Variants in KAZN observed in about 807,000 individuals in gnomAD.
KAZN encodes kazrin, periplakin interacting protein.
In KAZN, 40 loss-of-function variants were observed where a neutral mutation model predicts 87.4. That is an observed-to-expected ratio of 0.46 (90% CI 0.36 to 0.60). KAZN has a LOEUF of 0.60. Ranked by LOEUF, KAZN falls within the 20% of genes least tolerant of loss-of-function variation. The probability of loss-of-function intolerance (pLI) is 0.00; values close to 1 mark genes in which losing one functional copy is unlikely to be tolerated. For synonymous variants in KAZN, 466 were observed against 458.3 expected (o/e 1.02, Z -0.22); for missense variants, 898 against 1,073.9 (o/e 0.84, Z 2.29).
intron 1 of KAZN, among the ~76,000 whole-genome samples, chr1:14,717,545 C>G (rs1434439357): frequency 6.6e-6 from 1 of 152,148 alleles, no homozygotes; most frequent in Non-Finnish European, 1.5e-5. Flanking sequence ...TGTCCTTTTT[C>G]CTGTCTCATA....
intron 2 of KAZN, among the ~76,000 whole-genome samples, chr1:14,269,229 G>A (rs1467031657): frequency 1.3e-5 from 2 of 152,070 alleles, no homozygotes; most frequent in African/African-American, 2.4e-5. Context: ...TATATAAACA[G>A]ATACACAATG....
intron 2 of KAZN, among the ~76,000 whole-genome samples, chr1:14,301,385 A>G (rs1430983870): frequency 1.3e-5 from 2 of 152,168 alleles, no homozygotes; most frequent in African/African-American, 2.4e-5. Flanking sequence ...CTAACTCCCC[A>G]GTCCCATCGG....
chr1:14,309,903 G>C (rs1437691778), intron 2 of KAZN, among the ~76,000 whole-genome samples: 1 of 152,030 alleles, frequency 6.6e-6, no homozygotes, highest in East Asian at 1.9e-4. Context: ...ATTCTGCAGG[G>C]ACACAAGTCA....
rs113898230 is a variant in KAZN at position 15,057,612 on chromosome 1, C to G, written c.916+1332C>G. ...GGTGGTGTGACTTTTTTGGGGTAAG[C>G]GTGGGCAGCTCTGGCCTTCAAAGCC... On this transcript the variant is annotated intron_variant, in intron 5 of 14. Coordinates refer to ENST00000376030, the MANE Select transcript of KAZN (RefSeq NM_201628.3). 8.7e-3 allele frequency among the ~76,000 whole-genome samples: 1,328 copies of G among 152,224 alleles called. 18 individuals carry two copies. The highest frequency in any genetic ancestry group is 0.042 in the South Asian group (203 of 4,816).
intron 2 of KAZN, among the ~76,000 whole-genome samples, chr1:14,372,920 A>G (rs1039045370): frequency 6.6e-6 from 1 of 152,212 alleles, no homozygotes; most frequent in African/African-American, 2.4e-5. Flanking sequence ...CTAATTATAT[A>G]AAATCACGTA....
In KAZN at chr1:14,590,996, C is replaced by T. The variant is rs146438256; in HGVS notation, c.250-7987C>T. Among the ~76,000 whole-genome samples, 53 of 152,220 alleles carry T rather than the reference C, an allele frequency of 3.5e-4. 1 individual carries two copies. In the East Asian group the frequency reaches 8.5e-3, roughly 24 times the overall value. Reference sequence around the variant, plus strand: ...AAAGGCGGGATGAGATCATTGATGACGTCAGCTAACATCCTCCTGCTAGTA... The same window carrying T: ...AAAGGCGGGATGAGATCATTGATGATGTCAGCTAACATCCTCCTGCTAGTA... On this transcript the variant is annotated intron_variant, in intron 2 of 16. Transcript: ENST00000636203.
intron 1 of KAZN, among the ~76,000 whole-genome samples, chr1:14,681,200 A>T (rs1310712859): frequency 6.6e-6 from 1 of 152,182 alleles, no homozygotes; most frequent in Non-Finnish European, 1.5e-5. Flanking sequence ...ACATCGCAAC[A>T]TGAGGTTTGG....
At chr1:14,601,850 C>T (rs868557665) in intron 1 of KAZN, among the ~76,000 whole-genome samples, 5 of 152,152 alleles carry the variant, frequency 3.3e-5, no homozygotes, top group African/African-American at 1.2e-4. Context: ...AAAATGCAAC[C>T]GTGTAAGTCA....
intron 1 of KAZN, among the ~76,000 whole-genome samples, chr1:14,683,194 G>A (rs1024999153): frequency 3.9e-5 from 6 of 152,090 alleles, no homozygotes; most frequent in Non-Finnish European, 5.9e-5. Context: ...TGGTAGGAAC[G>A]ACCCTGATAA....
At chr1:14,565,407 A>G (rs1024994730) in intron 2 of KAZN, among the ~76,000 whole-genome samples, 3 of 152,236 alleles carry the variant, frequency 2.0e-5, no homozygotes, top group African/African-American at 7.2e-5. Context: ...ATTCCTAAAA[A>G]AAATGCTAAT....
rs1053934522 is a variant in KAZN at position 14,616,646 on chromosome 1, C to T, written c.226+17423C>T. ...TAGATATTTCAGCCCATCACCTATA[C>T]CTCTTGGCATTTCTGAGATACAAGG... On this transcript the variant is annotated intron_variant, in intron 1 of 14. Coordinates refer to ENST00000376030, the MANE Select transcript of KAZN (RefSeq NM_201628.3). Among the ~76,000 whole-genome samples, 5 of 152,296 alleles carry T rather than the reference C, an allele frequency of 3.3e-5. 1 individual carries two copies. Among genetic ancestry groups the T allele is most frequent in the Admixed American group, 3.3e-4 (5 of 15,302 alleles).
intron 1 of KAZN, among the ~76,000 whole-genome samples, chr1:14,629,174 C>A (rs1225972226): frequency 6.6e-6 from 1 of 152,132 alleles, no homozygotes; most frequent in Non-Finnish European, 1.5e-5. Flanking sequence ...GAGATCAATT[C>A]TCATACGGTG....
intron 2 of KAZN, among the ~76,000 whole-genome samples, chr1:14,452,682 C>G (rs1667341711): frequency 6.6e-6 from 1 of 152,168 alleles, no homozygotes; most frequent in Non-Finnish European, 1.5e-5. Flanking sequence ...GCGCAACAGC[C>G]TCACTCCTGG....
chr1:14,988,102 G>C (rs995203951), intron 2 of KAZN, among the ~76,000 whole-genome samples: 11 of 152,202 alleles, frequency 7.2e-5, no homozygotes, highest in African/African-American at 2.7e-4. Context: ...GGTGGAAGCA[G>C]GGAAACCAGT....
chr1:14,768,026 T>G (rs1644929056), intron 1 of KAZN, among the ~76,000 whole-genome samples: 1 of 152,190 alleles, frequency 6.6e-6, no homozygotes, highest in South Asian at 2.1e-4. Context: ...TAGCTTTGAT[T>G]TGGTCTTAAT....
intron 1 of KAZN, among the ~76,000 whole-genome samples, chr1:14,843,817 C>T (rs1370328205): frequency 2.0e-5 from 3 of 152,146 alleles, no homozygotes; most frequent in South Asian, 2.1e-4. Flanking sequence ...TTGAGTTTGT[C>T]GAACCCACAG....
intron 1 of KAZN, chr1:14,692,343 A>G (rs1641366667): frequency 2.6e-6 from 1 of 387,834 alleles, no homozygotes; most frequent in Middle Eastern, 7.4e-4. Context: ...CATTTTTTCG[A>G]TCTTTTCTTC....
rs576648025 is a variant in KAZN, at chr1:14,252,278, G to T, written c.249+71686G>T. On this transcript the variant is annotated intron_variant, in intron 2 of 16. Transcript: ENST00000636203. ...TATATTCAGATCTGTTTCCTTGCTA[G>T]TCATAAGCTGATGGATAAACTTGGA... Among the ~76,000 whole-genome samples the T allele has an allele frequency of 2.6e-5, 4 of 152,278 alleles. No individual in the cohort carries two copies. The South Asian group carries it at 8.3e-4, about 32-fold the overall frequency.
chr1:13,951,221 G>A lies in KAZN; in HGVS notation c.91+57465G>A, dbSNP rs898371949. Among the ~76,000 whole-genome samples, 3 of 152,158 alleles carry A rather than the reference G, an allele frequency of 2.0e-5. 1 individual carries two copies. Among genetic ancestry groups the A allele is most frequent in the Non-Finnish European group, 4.4e-5 (3 of 68,028 alleles). ...TTGAGTGAACATCCTGGCTCCCGGA[G>A]AGGCAGCAAGGCATAGTGTGGTAAG... On this transcript the variant is annotated intron_variant, in intron 1 of 16. Coordinates refer to the KAZN transcript ENST00000636203.
Sources: allele counts gnomAD v4.1 joint callset (sites outside exome capture counted in the v4.1 genomes callset), GRCh38; gene constraint gnomAD v4.1.1; transcripts MANE v1.5; gene names NCBI Gene and HGNC (gene_info 2026-07-23, HGNC 2026-07-21).